The following PRAMEF15 variants were observed in gnomAD, a reference collection of about 807,000 sequenced individuals.
The protein encoded by PRAMEF15 is PRAME family member 15.
Under a neutral mutation model 35.3 loss-of-function variants are expected in PRAMEF15, and 21 were observed. That is an observed-to-expected ratio of 0.59 (90% CI 0.42 to 0.86). PRAMEF15 has a LOEUF of 0.86. PRAMEF15 is among the 40% of genes least tolerant of loss of function. The pLI, the probability that PRAMEF15 is intolerant of heterozygous loss-of-function variation, is 0.00. For synonymous variants in PRAMEF15, 122 were observed against 223.3 expected, an observed-to-expected ratio of 0.55 and a Z score of 4.05; for missense variants, 360 against 574.1, an observed-to-expected ratio of 0.63 and a Z score of 3.81.
In PRAMEF15 at chr1:13,319,269, G is replaced by C. The variant is rs1410280483; in HGVS notation, c.294-103G>C. On this transcript the variant is annotated intron_variant, in intron 2 of 3. Transcript: ENST00000376152. ...AAACAGAGTGAAGAAAAGTCAGAGA[G>C]AGGGACAACAAGCAGGGAGGGGAGG... The C allele has an allele frequency of 1.2e-4, 196 of 1,572,216 alleles. No individual in the cohort carries two copies. In the East Asian group the frequency reaches 1.8e-3, roughly 14 times the overall value.
intron 3 of PRAMEF15, among the ~76,000 whole-genome samples, 182 bp downstream of exon 3, chr1:13,320,135 G>C (rs1478958061): frequency 1.3e-5 from 2 of 152,104 alleles, no homozygotes; most frequent in African/African-American, 4.8e-5. Flanking sequence ...CATCCCAATA[G>C]AGGCAGAGGG....
intron 1 of PRAMEF15, among the ~76,000 whole-genome samples, chr1:13,317,397 C>G (rs80279290): frequency 2.6e-5 from 4 of 151,764 alleles, no homozygotes; most frequent in African/African-American, 7.3e-5. Flanking sequence ...ACATGTGTAA[C>G]AGGAGTGCAT....
chr1:13,316,099 A>C (rs1188691457), intron 1 of PRAMEF15, among the ~76,000 whole-genome samples: 7 of 151,348 alleles, frequency 4.6e-5, no homozygotes, highest in African/African-American at 1.5e-4. Context: ...TCCCGGGTTC[A>C]AGCAATTCTC....
At chr1:13,319,151 A>T (rs936394244) in intron 2 of PRAMEF15, among the ~76,000 whole-genome samples, 8 of 150,920 alleles carry the variant, frequency 5.3e-5, no homozygotes, top group African/African-American at 1.9e-4. Context: ...GTGACATCAC[A>T]CCACTGCACT....
intron 1 of PRAMEF15, 148 bp from the exon 2 acceptor site, chr1:13,318,244 T>C (rs1305107828): frequency 7.2e-7 from 1 of 1,394,328 alleles, no homozygotes; most frequent in African/African-American, 1.4e-5. Flanking sequence ...AATGCTGGCT[T>C]AATGGCCACT....
chr1:13,319,630 T>C lies in PRAMEF15; in HGVS notation c.552T>C (p.Cys184=). 1 of 1,611,814 alleles carries C rather than the reference T, an allele frequency of 6.2e-7. No individual in the cohort carries two copies. Among genetic ancestry groups the C allele is most frequent in the South Asian group, 1.1e-5 (1 of 90,930 alleles). ...KQRKDLLHLC[C]KKLKILGMPF... ...GGAAAGATTTACTACACCTGTGCTG[T>C]AAGAAGCTGAAAATTTTGGGAATGC... Residue 184 remains cysteine, a synonymous_variant, in exon 3 of 4, where the codon TGT becomes TGC. Coordinates refer to ENST00000376152, the MANE Select transcript of PRAMEF15 (RefSeq NM_001098376.3).
At chr1:13,317,084 G>A (rs1358015572) in intron 1 of PRAMEF15, among the ~76,000 whole-genome samples, 1 of 151,326 alleles carries the variant, frequency 6.6e-6, no homozygotes, top group Non-Finnish European at 1.5e-5. Context: ...AGCTCTCTCT[G>A]TCTCTCAGTT....
chr1:13,316,090 C>T (rs1191810093), intron 1 of PRAMEF15, among the ~76,000 whole-genome samples: 1 of 151,260 alleles, frequency 6.6e-6, no homozygotes, highest in Non-Finnish European at 1.5e-5. Context: ...ACCTTTACTT[C>T]CCGGGTTCAA....
intron 3 of PRAMEF15, among the ~76,000 whole-genome samples, chr1:13,320,990 T>C (rs1640076376): frequency 6.6e-6 from 1 of 152,026 alleles, no homozygotes; most frequent in Non-Finnish European, 1.5e-5. Flanking sequence ...GGTTTGCTGA[T>C]GATACAGGCA....
At position 13,319,398 on chromosome 1, in the gene PRAMEF15, T is replaced by C. The variant is rs1401610299; in HGVS notation, c.320T>C (p.Leu107Ser). 6.2e-7 allele frequency: 1 copy of C among 1,611,804 alleles called. No homozygotes were observed. The highest frequency in any genetic ancestry group is 1.3e-5 in the African/African-American group (1 of 74,916). ...AGGTGGAAACTCCAAGTGCTGGATT[T>C]ACAGGATGTCTGTGAGAACTTCTGG... ...PRRWKLQVLD[L>S]QDVCENFWMV... The change falls in exon 3 of 4, where the codon TTA becomes TCA. Residue 107 changes from leucine (L) to serine (S), a missense_variant. By Grantham distance (145) the Leu-to-Ser change is moderately radical. This residue lies in a region of PRAMEF15 where 44 missense variants were observed against 25.9 expected (regional missense o/e 1.70). Coordinates refer to ENST00000376152, the MANE Select transcript of PRAMEF15 (RefSeq NM_001098376.3).
chr1:13,315,974 A>G (rs1179720782), intron 1 of PRAMEF15, among the ~76,000 whole-genome samples: 2 of 151,226 alleles, frequency 1.3e-5, no homozygotes, highest in Non-Finnish European at 3.0e-5. Flanking sequence ...AACCTGGACA[A>G]CATGACAAAA....
chr1:13,316,746 T>A (rs1409235218), intron 1 of PRAMEF15, among the ~76,000 whole-genome samples: 1 of 151,958 alleles, frequency 6.6e-6, no homozygotes, highest in Non-Finnish European at 1.5e-5. Context: ...TCTCTGTCTT[T>A]GAAAACTGTT....
At chr1:13,320,397 T>C (rs1640068323) in intron 3 of PRAMEF15, among the ~76,000 whole-genome samples, 1 of 151,994 alleles carries the variant, frequency 6.6e-6, no homozygotes, top group African/African-American at 2.4e-5. Context: ...CTGTCAGAAA[T>C]GAATAAATAA....
chr1:13,317,285 G>T (rs1340671811), intron 1 of PRAMEF15, among the ~76,000 whole-genome samples: 2 of 151,914 alleles, frequency 1.3e-5, no homozygotes, highest in East Asian at 1.9e-4. Flanking sequence ...GGCCAGGCTC[G>T]TCTTGAATTC....
At chr1:13,321,237 C>A (rs1365469466) in intron 3 of PRAMEF15, among the ~76,000 whole-genome samples, 1 of 137,894 alleles carries the variant, frequency 7.3e-6, no homozygotes, top group South Asian at 2.4e-4. Context: ...TTTTTCAAAA[C>A]AGAGTCTCTC....
In PRAMEF15 at chr1:13,320,010, C is replaced by A. The variant is rs1435785681; in HGVS notation, c.875+57C>A. The A allele has an allele frequency of 9.4e-4, 1,513 of 1,607,984 alleles. 3 individuals carry two copies. The African/African-American group carries it at 0.018, about 19-fold the overall frequency. On this transcript the variant is annotated intron_variant, in intron 3 of 3. Coordinates refer to ENST00000376152, the MANE Select transcript of PRAMEF15 (RefSeq NM_001098376.3). The stretch of plus-strand genomic sequence containing the variant: ...CCACAGCAGAGCCTGTTACAGTCAA[C>A]ACTAGTGGGCATCTACTGTGAGCCA...
chr1:13,320,493 A>T (rs1467125355), intron 3 of PRAMEF15, among the ~76,000 whole-genome samples: 4 of 152,086 alleles, frequency 2.6e-5, no homozygotes, highest in Non-Finnish European at 5.9e-5. Context: ...GTGACATCTC[A>T]GCTCGCAGCG....
intron 3 of PRAMEF15, 145 bp downstream of exon 3, chr1:13,320,098 C>G (rs1640063121): frequency 1.3e-6 from 2 of 1,543,182 alleles, no homozygotes; most frequent in Non-Finnish European, 1.7e-6. Context: ...TGTTGGTGGC[C>G]CTGTCCTGAA....
intron 3 of PRAMEF15, among the ~76,000 whole-genome samples, chr1:13,320,425 A>G (rs1222008328): frequency 1.1e-4 from 16 of 152,114 alleles, no homozygotes; most frequent in Admixed American, 7.9e-4. Flanking sequence ...AACAAACAAG[A>G]TAACTTTTTT....
Sources: gnomAD v4.1 joint callset for allele counts (sites outside exome capture counted in the v4.1 genomes callset) on GRCh38, gnomAD v4.1.1 for gene constraint, gnomAD v4.1.1 regional missense constraint, MANE v1.5 for transcripts, NCBI Gene and HGNC (gene_info 2026-07-23, HGNC 2026-07-21) for gene names.